ADAMTS7: variants seen among roughly 807,000 people sequenced by gnomAD.
The protein encoded by ADAMTS7 is ADAM metallopeptidase with thrombospondin type 1 motif 7, also known as A disintegrin and metalloproteinase with thrombospondin motifs 7.
In ADAMTS7, 89 loss-of-function variants were observed where a neutral mutation model predicts 172.6. That is an observed-to-expected ratio of 0.52 (90% CI 0.43 to 0.61). The LOEUF (loss-of-function observed/expected upper bound fraction) is 0.61. Ranked by LOEUF, ADAMTS7 falls within the 20% of genes least tolerant of loss-of-function variation. The pLI, the probability that ADAMTS7 is intolerant of heterozygous loss-of-function variation, is 0.00. For synonymous variants in ADAMTS7, 885 were observed against 978.4 expected (o/e 0.90, Z 1.78); for missense variants, 1,973 against 2,355.6 (o/e 0.84, Z 3.36).
rs1596180231 is a variant in ADAMTS7 at position 78,771,911 on chromosome 15, C to G, written c.2132-82G>C. 2.6e-6 allele frequency: 4 copies of G among 1,535,566 alleles called. No homozygotes were observed. In the African/African-American group the frequency reaches 5.4e-5, roughly 21 times the overall value. ...CACCCGCTCCCCTCATGTCTCTCCCCACTTGCCTCCGCCTGCTGATGCCAA... is the reference window on the plus strand; with the variant it reads ...CACCCGCTCCCCTCATGTCTCTCCCGACTTGCCTCCGCCTGCTGATGCCAA... On this transcript the variant is annotated intron_variant, in intron 14 of 23. Transcript: ENST00000388820. This position sits in a 1 kb window ranked among gnomAD's most constrained non-coding sequence, Gnocchi z 4.9.
chr15:78,810,882 C>T, intron 1 of ADAMTS7: 1 of 383,530 alleles, frequency 2.6e-6, no homozygotes. Context: ...TTCCAGGCGA[C>T]AGGCAGTGTC....
chr15:78,794,994 A>G (rs1186062033), intron 4 of ADAMTS7, among the ~76,000 whole-genome samples: 1 of 152,202 alleles, frequency 6.6e-6, no homozygotes, highest in Non-Finnish European at 1.5e-5. Flanking sequence ...TGGGATTATA[A>G]CCATGAACCA....
At position 78,775,774 on chromosome 15, in the gene ADAMTS7, C is replaced by T. The variant is rs567329501; in HGVS notation, c.1706+414G>A. ...CATAAACTGCATTTGCCCCTGACTA[C>T]AACTTTACTGGATGGGCACTGCTAT... On this transcript the variant is annotated intron_variant, in intron 11 of 23. Coordinates refer to ENST00000388820, the MANE Select transcript of ADAMTS7 (RefSeq NM_014272.5). Among the ~76,000 whole-genome samples the T allele has an allele frequency of 1.8e-4, 28 of 152,328 alleles. 2 individuals are homozygous for T. In the South Asian group the frequency reaches 4.8e-3, roughly 26 times the overall value.
intron 20 of ADAMTS7, among the ~76,000 whole-genome samples, 169 bp downstream of exon 20, chr15:78,764,386 G>A (rs2055104431): frequency 6.6e-6 from 1 of 152,244 alleles, no homozygotes; most frequent in South Asian, 2.1e-4. Flanking sequence ...GGCCAAGCCA[G>A]ACAAAGATGA....
Position 78,789,775 on chromosome 15 carries a change from G to A in ADAMTS7, c.1092C>T (p.Gly364=). The A allele has an allele frequency of 3.1e-6, 5 of 1,608,760 alleles. No individual in the cohort carries two copies. The highest frequency in any genetic ancestry group is 4.2e-6 in the Non-Finnish European group (5 of 1,178,178). ...TGCAGCTGCGGTGCGGCTGGCACAT[G>A]CCCGCCACATGGGACAGTCCCAGGG... The part of the protein sequence containing the change: ...CETLGLSHVA[G]MCQPHRSCSI... Residue 364 remains glycine (G), a synonymous_variant, in exon 7 of 24, where the codon GGC becomes GGT. Coordinates refer to ENST00000388820, the MANE Select transcript of ADAMTS7 (RefSeq NM_014272.5).
intron 4 of ADAMTS7, 25 bp downstream of exon 4, chr15:78,796,565 C>T (rs1235767033): frequency 6.3e-7 from 1 of 1,596,082 alleles, no homozygotes; most frequent in African/African-American, 1.3e-5. Flanking sequence ...TCCCCGCCAC[C>T]CGCTCCTGGC....
intron 23 of ADAMTS7, chr15:78,762,064 T>A: frequency 6.1e-6 from 6 of 985,202 alleles, no homozygotes; most frequent in Non-Finnish European, 7.2e-6. Flanking sequence ...ACATCCCTGG[T>A]CTCACTGTGG....
At position 78,767,452 on chromosome 15, in the gene ADAMTS7, C is replaced by A; in HGVS notation, c.2786G>T (p.Arg929Leu). The change falls in exon 18 of 24, where the codon CGG becomes CTG. Residue 929 changes from arginine to leucine, a missense_variant. By Grantham distance (102) the Arg-to-Leu change is moderately radical (BLOSUM62 -2). Transcript: ENST00000388820. The part of the protein sequence containing the change: ...LEPPACEHLP[R>L]PPTETPCNRH... ...GTTGCAAGGGGTTTCAGTAGGGGGC[C>A]GGGGAAGGTGTTCACAGGCGGGTGG... The A allele has an allele frequency of 1.2e-6, 2 of 1,611,796 alleles. No individual in the cohort carries two copies. Among genetic ancestry groups the A allele is most frequent in the Admixed American group, 1.7e-5 (1 of 60,008 alleles).
chr15:78,777,434 C>G lies in ADAMTS7; in HGVS notation c.1467+10G>C. The G allele has an allele frequency of 6.2e-7, 1 of 1,610,844 alleles. No homozygotes were observed. The highest frequency in any genetic ancestry group is 8.5e-7 in the Non-Finnish European group (1 of 1,178,968). On this transcript the variant is annotated intron_variant, in intron 9 of 23. Transcript: ENST00000388820. ...CCCCACACCCCCACACCCACACCGG[C>G]CCCACTCACATCCATGTCCTCGCAG...
intron 20 of ADAMTS7, 36 bp downstream of exon 20, chr15:78,764,519 C>T: frequency 1.3e-6 from 2 of 1,524,802 alleles, no homozygotes; most frequent in Non-Finnish European, 1.8e-6. Context: ...CACCCCATGC[C>T]CTGGGAATGC....
At position 78,774,279 on chromosome 15, in the gene ADAMTS7, C is replaced by G. The variant is rs745623749; in HGVS notation, c.1898G>C (p.Cys633Ser). The stretch of plus-strand genomic sequence containing the variant: ...GGCAAAGTACTCATTCGCGGGCCGG[C>G]AGTGCAGCTCGCAGGGGTTCACTGA... Reference protein sequence around the residue: ...VNDVNPCELHCRPANEYFAEK... With the variant: ...VNDVNPCELHSRPANEYFAEK... The change falls in exon 13 of 24, where the codon TGC (cysteine) becomes TCC (serine). Residue 633 changes from cysteine to serine, a missense_variant. Physicochemically the swap from Cys to Ser is moderately radical, Grantham distance 112. Transcript: ENST00000388820. 2.5e-6 allele frequency: 4 copies of G among 1,574,462 alleles called. No homozygotes were observed. The highest frequency in any genetic ancestry group is 3.4e-6 in the Non-Finnish European group (4 of 1,169,618).
chr15:78,787,407 T>C lies in ADAMTS7; in HGVS notation c.1322+824A>G, dbSNP rs78690169. Among the ~76,000 whole-genome samples, 4,278 of 148,166 alleles carry C rather than the reference T, an allele frequency of 0.029. 553 individuals are homozygous for C. The East Asian group carries it at 0.37, about 13-fold the overall frequency. On this transcript the variant is annotated intron_variant, in intron 8 of 23. Transcript: ENST00000388820. ...GGGCATGGTGCACCGCTCATGCCTG[T>C]AATTCCAGCACTCTGGGAGGCAAAG...
intron 6 of ADAMTS7, 83 bp downstream of exon 6, chr15:78,790,587 C>T (rs2141509755): frequency 3.2e-6 from 5 of 1,569,484 alleles, no homozygotes; most frequent in Non-Finnish European, 4.3e-6. Context: ...ACAGCACGGC[C>T]CCCTCCTCCA....
chr15:78,775,209 G>A (rs551027750), intron 11 of ADAMTS7, among the ~76,000 whole-genome samples: 2 of 152,294 alleles, frequency 1.3e-5, no homozygotes, highest in East Asian at 1.9e-4. Flanking sequence ...GCATCCTAAC[G>A]AGCCCTTGAG....
Position 78,759,562 on chromosome 15 carries a change from G to A in ADAMTS7, c.4920C>T (p.Arg1640=). 1 of 1,590,110 alleles carries A rather than the reference G, an allele frequency of 6.3e-7. No individual in the cohort carries two copies. Among genetic ancestry groups the A allele is most frequent in the Non-Finnish European group, 8.5e-7 (1 of 1,174,076 alleles). ...GCGTCTCGCAGAACCCGAAGGACAG[G>A]CGGTCCCGCTCACAGCCTGGAGTGG... ...PVEPPRCERD[R]LSFGFCETLR... Residue 1640 remains arginine (R), a synonymous_variant, in exon 24 of 24, where the codon CGC becomes CGT. Transcript: ENST00000388820.
chr15:78,772,709 G>A (rs543032252), intron 14 of ADAMTS7, among the ~76,000 whole-genome samples: 50 of 152,366 alleles, frequency 3.3e-4, no homozygotes, highest in South Asian at 1.7e-3. Flanking sequence ...TCACCTGCAT[G>A]TCCCCATCAC....
chr15:78,786,321 C>T (rs976736959), intron 8 of ADAMTS7, among the ~76,000 whole-genome samples: 5 of 152,176 alleles, frequency 3.3e-5, no homozygotes, highest in African/African-American at 1.2e-4. Context: ...TTCCTTGCTG[C>T]CCCATTTGCA....
At chr15:78,799,642 C>G (rs2141521631) in intron 2 of ADAMTS7, among the ~76,000 whole-genome samples, 1 of 151,860 alleles carries the variant, frequency 6.6e-6, no homozygotes, top group South Asian at 2.1e-4. Context: ...ACTGCTTTTT[C>G]AGTTACTTAG....
chr15:78,774,393 G>C, intron 12 of ADAMTS7, 93 bp from the exon 13 acceptor site: 1 of 1,451,596 alleles, frequency 6.9e-7, no homozygotes, highest in Non-Finnish European at 9.1e-7. Context: ...ATCCATGGCA[G>C]GCTGGAGGCT....
Sources: allele counts gnomAD v4.1 joint callset (sites outside exome capture counted in the v4.1 genomes callset), GRCh38; gene constraint gnomAD v4.1.1; non-coding constraint Gnocchi (gnomAD v3.1); transcripts MANE v1.5; gene names NCBI Gene and HGNC (gene_info 2026-07-23, HGNC 2026-07-21).